AFF3: variants seen among roughly 807,000 people sequenced by gnomAD.
AFF3 encodes the protein AF4/FMR2 family member 3.
In AFF3, 32 loss-of-function variants were observed where a neutral mutation model predicts 129.7. That is an observed-to-expected ratio of 0.25 (90% confidence interval 0.19 to 0.33). The LOEUF (loss-of-function observed/expected upper bound fraction) is 0.33. Among genes scored for constraint, AFF3 ranks in the 10% least tolerant of loss-of-function variants. The probability of loss-of-function intolerance (pLI) is 1.00; values close to 1 mark genes in which losing one functional copy is unlikely to be tolerated. For synonymous variants in AFF3, 644 were observed against 635.4 expected (o/e 1.01, Z -0.20); for missense variants, 1,373 against 1,592.0 (o/e 0.86, Z 2.34).
chr2:99,650,796 ATGTGTGTGTGTGTGTG>A lies in AFF3; in HGVS notation c.1144-1146_1144-1131del, dbSNP rs142082185. 1.3e-4 allele frequency among the ~76,000 whole-genome samples: 19 copies of A among 144,830 alleles called. 1 individual carries two copies. Among genetic ancestry groups the A allele is most frequent in the Non-Finnish European group, 4.6e-5 (3 of 65,808 alleles). On this transcript the variant is annotated intron_variant, in intron 12 of 24. Transcript: ENST00000672756. ...TTGTTTTTTTCTTCTACTAAAATTA[ATGTGTGTGTGTGTGTG>A]TGTGTGTGTGTGTGTGTATGCTGAA...
intron 11 of AFF3, among the ~76,000 whole-genome samples, chr2:99,698,736 T>G (rs1314840958): frequency 1.3e-5 from 2 of 152,248 alleles, no homozygotes; most frequent in Non-Finnish European, 2.9e-5. Context: ...ATTTTAGGCA[T>G]AAGCTTAGTT....
intron 7 of AFF3, among the ~76,000 whole-genome samples, chr2:99,999,577 A>G (rs770295105): frequency 1.6e-4 from 25 of 152,158 alleles, no homozygotes; most frequent in Admixed American, 8.5e-4. Flanking sequence ...AGAGCTGTCA[A>G]CCCATCTGGG....
At position 99,593,813 on chromosome 2, in the gene AFF3, C is replaced by T. The variant is rs778790685; in HGVS notation, c.1848G>A (p.Thr616=). Residue 616 remains threonine, a synonymous_variant, in exon 15 of 25, where the codon ACG becomes ACA. Coordinates refer to ENST00000672756, the MANE Select transcript of AFF3 (RefSeq NM_001386135.1). ...EEPAAADALG[T]SVVVPPEPTK... ...TGGGCTCCGGGGGGACCACCACGCT[C>T]GTCCCCAGCGCGTCCGCGGCCGCGG... 4 of 1,609,448 alleles carry T rather than the reference C, an allele frequency of 2.5e-6. No individual in the cohort carries two copies. Among genetic ancestry groups the T allele is most frequent in the Non-Finnish European group, 1.7e-6 (2 of 1,178,690 alleles).
intron 7 of AFF3, among the ~76,000 whole-genome samples, chr2:99,893,308 G>A (rs1693707773): frequency 6.6e-6 from 1 of 152,222 alleles, no homozygotes; most frequent in African/African-American, 2.4e-5. Context: ...GTGCTACACA[G>A]AGCAAGCATT....
chr2:100,083,403 G>C (rs193215438), intron 4 of AFF3, among the ~76,000 whole-genome samples: 1 of 152,278 alleles, frequency 6.6e-6, no homozygotes, highest in African/African-American at 2.4e-5. Flanking sequence ...TTATGACCTG[G>C]ACAGGTCACC....
chr2:99,601,693 A>G (rs1679857300), intron 13 of AFF3, 72 bp from the exon 14 acceptor site: 2 of 1,528,250 alleles, frequency 1.3e-6, no homozygotes, highest in Non-Finnish European at 1.8e-6. Context: ...AACACCACCA[A>G]GCTGTCATGC....
At chr2:99,586,128 G>A (rs1012258286) in intron 16 of AFF3, among the ~76,000 whole-genome samples, 1 of 152,206 alleles carries the variant, frequency 6.6e-6, no homozygotes, top group Admixed American at 6.5e-5. Context: ...CAGCTAGAAA[G>A]GTTATTTAGT....
At chr2:99,973,689 GT>G (rs1201000717) in intron 7 of AFF3, among the ~76,000 whole-genome samples, 1 of 149,796 alleles carries the variant, frequency 6.7e-6, no homozygotes, top group East Asian at 2.0e-4. Flanking sequence ...ACCATCTTCA[GT>G]TTTTTTTTCC....
chr2:99,905,736 T>G (rs1694671557), intron 7 of AFF3, among the ~76,000 whole-genome samples: 1 of 152,096 alleles, frequency 6.6e-6, no homozygotes, highest in Non-Finnish European at 1.5e-5. Context: ...AACTGAAAAA[T>G]TAAGCACTCC....
chr2:99,643,810 T>C (rs1471030038), intron 13 of AFF3, among the ~76,000 whole-genome samples: 1 of 152,254 alleles, frequency 6.6e-6, no homozygotes. Context: ...TCTACCTACA[T>C]GGAGGTGAAA....
intron 7 of AFF3, among the ~76,000 whole-genome samples, chr2:99,993,094 T>C (rs1441285193): frequency 6.6e-6 from 1 of 152,152 alleles, no homozygotes; most frequent in Non-Finnish European, 1.5e-5. Context: ...AGCAACAGAA[T>C]AAAGGGAGTC....
rs570118677 is a variant in AFF3 at position 99,769,305 on chromosome 2, T to C, written c.922-17004A>G. 9.8e-5 allele frequency among the ~76,000 whole-genome samples: 15 copies of C among 152,338 alleles called. No homozygotes were observed. In the South Asian group the frequency reaches 1.9e-3, roughly 19 times the overall value. The stretch of plus-strand genomic sequence containing the variant: ...AGACTCTGATGCATTCTTCAGTATG[T>C]CAGCTGCATTTTTCAACTCCAGAAT... On this transcript the variant is annotated intron_variant, in intron 8 of 24. Transcript: ENST00000672756.
intron 2 of AFF3, chr2:100,105,994 A>C: frequency 7.6e-7 from 1 of 1,324,474 alleles, no homozygotes; most frequent in Non-Finnish European, 1.0e-6. Flanking sequence ...AAGTGACGGG[A>C]TCCCTCCAGC....
At chr2:99,577,776 G>A (rs1677139383) in intron 18 of AFF3, among the ~76,000 whole-genome samples, 1 of 152,066 alleles carries the variant, frequency 6.6e-6, no homozygotes, top group Non-Finnish European at 1.5e-5. Flanking sequence ...TTCTCCTCTT[G>A]TTTTTCCTCC....
chr2:99,654,990 G>A (rs571170150), intron 12 of AFF3, among the ~76,000 whole-genome samples: 1 of 152,272 alleles, frequency 6.6e-6, no homozygotes, highest in South Asian at 2.1e-4. Flanking sequence ...ATGGATCCTG[G>A]AGTGGGGAGG....
At chr2:99,650,133 T>C (rs986282620) in intron 12 of AFF3, among the ~76,000 whole-genome samples, 5 of 152,238 alleles carry the variant, frequency 3.3e-5, no homozygotes, top group South Asian at 2.1e-4. Context: ...GAATATGGAA[T>C]GCCACTAGAA....
chr2:99,809,977 C>A (rs1005486938), intron 8 of AFF3, among the ~76,000 whole-genome samples: 1 of 152,154 alleles, frequency 6.6e-6, no homozygotes, highest in Non-Finnish European at 1.5e-5. Context: ...CTTTGTTTTA[C>A]AAAATCTTTG....
intron 4 of AFF3, among the ~76,000 whole-genome samples, chr2:100,085,297 G>C (rs1689333164): frequency 6.9e-6 from 1 of 145,212 alleles, no homozygotes. Flanking sequence ...CTGTCCAAGA[G>C]AGTCACGTGA....
rs190262192 is a variant in AFF3 at position 99,639,282 on chromosome 2, G to A, written c.1184+10344C>T. On this transcript the variant is annotated intron_variant, in intron 13 of 24. Transcript: ENST00000672756. ...TTATTGTGGAAATTAGTACTAGGGG[G>A]GCTTTTAAAAGCTGATTTTTAGACC... Among the ~76,000 whole-genome samples the A allele has an allele frequency of 1.4e-4, 22 of 152,224 alleles. No homozygotes were observed. In the South Asian group the frequency reaches 3.5e-3, roughly 24 times the overall value.
Sources: allele counts gnomAD v4.1 joint callset (sites outside exome capture counted in the v4.1 genomes callset), GRCh38; gene constraint gnomAD v4.1.1; transcripts MANE v1.5; gene names NCBI Gene and HGNC (gene_info 2026-07-23, HGNC 2026-07-21).